Variants in MEIS2 observed in about 807,000 individuals in gnomAD.
MEIS2 encodes homeobox protein Meis2.
Under a neutral mutation model 58.6 loss-of-function variants are expected in MEIS2, and 9 were observed. The observed-to-expected ratio is 0.15, with a 90% CI of 0.09 to 0.27. The LOEUF is 0.27. Among genes scored for constraint, MEIS2 ranks in the 10% least tolerant of loss-of-function variants. The pLI is 1.00. For synonymous variants in MEIS2, 221 were observed against 228.4 expected, an observed-to-expected ratio of 0.97 and a Z score of 0.29; for missense variants, 427 against 635.0, an observed-to-expected ratio of 0.67 and a Z score of 3.52.
chr15:36,900,760 A>G (rs913637900), intron 9 of MEIS2, among the ~76,000 whole-genome samples: 3 of 152,054 alleles, frequency 2.0e-5, no homozygotes, highest in Non-Finnish European at 4.4e-5. Context: ...GACCATCATG[A>G]TTTTTCTTTA....
intron 8 of MEIS2, among the ~76,000 whole-genome samples, chr15:36,966,904 A>C (rs1016413584): frequency 1.3e-5 from 2 of 152,132 alleles, no homozygotes; most frequent in Non-Finnish European, 2.9e-5. Flanking sequence ...GCAGGATGGC[A>C]AGGAGCCCAG....
intron 3 of MEIS2, 84 bp from the exon 4 acceptor site, chr15:37,095,698 C>A: frequency 6.3e-7 from 1 of 1,598,748 alleles, no homozygotes; most frequent in Admixed American, 1.7e-5. Flanking sequence ...CGGTGGAGGG[C>A]AATGGCGGAG....
At chr15:36,934,418 C>T (rs1193172358) in intron 9 of MEIS2, among the ~76,000 whole-genome samples, 5 of 152,124 alleles carry the variant, frequency 3.3e-5, no homozygotes, top group Admixed American at 1.3e-4. Flanking sequence ...AAAAAATTCT[C>T]AAGATGATAG....
intron 8 of MEIS2, among the ~76,000 whole-genome samples, chr15:37,023,205 C>A (rs1420904531): frequency 2.0e-5 from 3 of 152,148 alleles, no homozygotes; most frequent in African/African-American, 7.2e-5. Flanking sequence ...GAGAAATAGT[C>A]ATGTCTACTT....
chr15:36,911,249 G>A lies in MEIS2; in HGVS notation c.978-14563C>T, dbSNP rs572481307. On this transcript the variant is annotated intron_variant, in intron 9 of 11. Coordinates refer to ENST00000561208, the MANE Select transcript of MEIS2 (RefSeq NM_170675.5). Reference sequence around the variant, plus strand: ...TGCTTCAAAATAGCTGTTTGAAACCGAAGAATAATCTTAAGAATAACGTGT... The same window carrying A: ...TGCTTCAAAATAGCTGTTTGAAACCAAAGAATAATCTTAAGAATAACGTGT... 2.0e-4 allele frequency among the ~76,000 whole-genome samples: 31 copies of A among 151,538 alleles called. No homozygotes were observed. In the South Asian group the frequency reaches 5.0e-3, roughly 25 times the overall value.
chr15:37,031,287 T>A (rs1428715636), intron 8 of MEIS2, among the ~76,000 whole-genome samples: 1 of 152,122 alleles, frequency 6.6e-6, no homozygotes, highest in East Asian at 1.9e-4. Context: ...AACCTCGACA[T>A]TGGACTGCCT....
chr15:36,990,352 A>G (rs1015916282), intron 8 of MEIS2, among the ~76,000 whole-genome samples: 1 of 145,946 alleles, frequency 6.9e-6, no homozygotes, highest in African/African-American at 2.5e-5. Context: ...GAATCTGCAG[A>G]AAAAAAAAAA....
At chr15:36,893,435 G>A (rs945007852) in intron 11 of MEIS2, among the ~76,000 whole-genome samples, 2 of 152,110 alleles carry the variant, frequency 1.3e-5, no homozygotes, top group African/African-American at 4.8e-5. Flanking sequence ...AACAGAAGTG[G>A]CAAAACCATC....
At chr15:37,010,487 A>G (rs1567177751) in intron 8 of MEIS2, among the ~76,000 whole-genome samples, 1 of 152,074 alleles carries the variant, frequency 6.6e-6, no homozygotes, top group Non-Finnish European at 1.5e-5. Context: ...GGCTCAAGAG[A>G]TCCTCACCCC....
intron 7 of MEIS2, among the ~76,000 whole-genome samples, chr15:37,051,890 G>A (rs1596018441): frequency 6.6e-6 from 1 of 151,856 alleles, no homozygotes; most frequent in African/African-American, 2.4e-5. Context: ...TGGGTGGTCA[G>A]AATGCACTTG....
At chr15:37,010,525 G>A (rs1383983870) in intron 8 of MEIS2, among the ~76,000 whole-genome samples, 1 of 152,150 alleles carries the variant, frequency 6.6e-6, no homozygotes, top group African/African-American at 2.4e-5. Context: ...TGGGACTACA[G>A]ACGCATGCCA....
At chr15:37,094,378 T>G in intron 5 of MEIS2, 149 bp downstream of exon 5, 7 of 716,944 alleles carry the variant, frequency 9.8e-6, no homozygotes, top group Non-Finnish European at 9.2e-6. Flanking sequence ...GCCCCTGTGT[T>G]GAGAAGCGAG....
Position 37,034,752 on chromosome 15 carries a change from C to A in MEIS2, c.900+2062G>T, listed in dbSNP as rs573635693. Among the ~76,000 whole-genome samples, 4 of 152,310 alleles carry A rather than the reference C, an allele frequency of 2.6e-5. No homozygotes were observed. In the East Asian group the frequency reaches 7.7e-4, roughly 29 times the overall value. On this transcript the variant is annotated intron_variant, in intron 8 of 11. Transcript: ENST00000561208. Reference sequence around the variant, plus strand: ...AACAGCACTTGGCTTCTCCGTATTTCTCCCTTGTGACTCTGAGCGTATTGA... The same window carrying A: ...AACAGCACTTGGCTTCTCCGTATTTATCCCTTGTGACTCTGAGCGTATTGA...
At chr15:37,038,824 GAC>G (rs2062282903) in intron 7 of MEIS2, among the ~76,000 whole-genome samples, 1 of 152,128 alleles carries the variant, frequency 6.6e-6, no homozygotes, top group South Asian at 2.1e-4. Flanking sequence ...TGGACAAGGA[GAC>G]ACACACACAT....
Position 36,967,428 on chromosome 15 carries a change from C to T in MEIS2, c.901-17028G>A, listed in dbSNP as rs535903529. Among the ~76,000 whole-genome samples the T allele has an allele frequency of 3.9e-5, 6 of 152,218 alleles. No individual in the cohort carries two copies. In the South Asian group the frequency reaches 1.2e-3, roughly 32 times the overall value. On this transcript the variant is annotated intron_variant, in intron 8 of 11. Coordinates refer to ENST00000561208, the MANE Select transcript of MEIS2 (RefSeq NM_170675.5). ...CATTTTCCCCAAGAACACCAGAATG[C>T]AGGTATTTTCCTTATACTAAGCTGA...
At chr15:37,069,763 A>G (rs945765519) in intron 7 of MEIS2, among the ~76,000 whole-genome samples, 33 of 152,312 alleles carry the variant, frequency 2.2e-4, no homozygotes, top group African/African-American at 7.5e-4. Context: ...TGCAACACCC[A>G]TCAGTGGCAA....
chr15:36,980,607 C>T (rs2059900850), intron 8 of MEIS2, among the ~76,000 whole-genome samples: 1 of 152,100 alleles, frequency 6.6e-6, no homozygotes. Flanking sequence ...TGTGGGAATT[C>T]AAGATGAGAT....
intron 7 of MEIS2, among the ~76,000 whole-genome samples, chr15:37,076,438 T>C (rs1891427126): frequency 6.6e-6 from 1 of 151,974 alleles, no homozygotes; most frequent in Non-Finnish European, 1.5e-5. Flanking sequence ...ATCAGCATGA[T>C]AACAGAGCAT....
intron 9 of MEIS2, among the ~76,000 whole-genome samples, chr15:36,925,256 C>T (rs1274304184): frequency 6.6e-6 from 1 of 152,182 alleles, no homozygotes; most frequent in Non-Finnish European, 1.5e-5. Flanking sequence ...GCACTTGACT[C>T]CCAGCCTCAG....
Sources: allele counts gnomAD v4.1 joint callset (sites outside exome capture counted in the v4.1 genomes callset), GRCh38; gene constraint gnomAD v4.1.1; transcripts MANE v1.5; gene names NCBI Gene and HGNC (gene_info 2026-07-23, HGNC 2026-07-21).